The following TENM2 variants were observed in gnomAD, a reference collection of about 807,000 sequenced individuals.
TENM2 encodes the protein teneurin-2.
TENM2 carries 52 observed loss-of-function variants against 245.2 expected under a neutral mutation model. The ratio of observed to expected loss-of-function variants is 0.21; its 90% CI spans 0.17 to 0.27. The LOEUF is 0.27. TENM2 is among the 10% of genes least tolerant of loss of function. The pLI, the probability that TENM2 is intolerant of heterozygous loss-of-function variation, is 1.00. For synonymous variants in TENM2, 1,363 were observed against 1,438.9 expected (o/e 0.95, Z 1.19); for missense variants, 3,046 against 3,666.8 (o/e 0.83, Z 4.37).
intron 5 of TENM2, among the ~76,000 whole-genome samples, chr5:168,039,844 G>A (rs1009169463): frequency 6.6e-6 from 1 of 152,100 alleles, no homozygotes; most frequent in Non-Finnish European, 1.5e-5. Flanking sequence ...CACACTCGCA[G>A]TGTCAACAGC....
chr5:167,941,790 G>A (rs775773110), intron 3 of TENM2, among the ~76,000 whole-genome samples: 1 of 152,156 alleles, frequency 6.6e-6, no homozygotes, highest in African/African-American at 2.4e-5. Flanking sequence ...GGAATTCGAG[G>A]TTACAGTGAG....
At chr5:168,147,080 T>C (rs1756155695) in intron 12 of TENM2, among the ~76,000 whole-genome samples, 1 of 152,270 alleles carries the variant, frequency 6.6e-6, no homozygotes, top group Non-Finnish European at 1.5e-5. Context: ...CTACTCCGCA[T>C]AGGCGTAGTT....
intron 1 of TENM2, among the ~76,000 whole-genome samples, chr5:167,298,607 A>C (rs956390761): frequency 1.3e-5 from 2 of 152,280 alleles, no homozygotes; most frequent in African/African-American, 4.8e-5. Flanking sequence ...GTCTCAAAAA[A>C]ACAAACAAAC....
chr5:167,642,329 G>A (rs1436747939), intron 2 of TENM2, among the ~76,000 whole-genome samples: 2 of 152,222 alleles, frequency 1.3e-5, no homozygotes, highest in Admixed American at 1.3e-4. Context: ...TGTGAGAAGA[G>A]AGACATGATC....
intron 2 of TENM2, among the ~76,000 whole-genome samples, chr5:167,389,270 A>ATATATC (rs1554143117): frequency 9.4e-5 from 14 of 149,036 alleles, no homozygotes; most frequent in African/African-American, 3.5e-4. Flanking sequence ...ATATATATAT[A>ATATATC]TCCATGCATA....
At chr5:167,300,463 A>G (rs1755242831) in intron 1 of TENM2, among the ~76,000 whole-genome samples, 1 of 152,168 alleles carries the variant, frequency 6.6e-6, no homozygotes, top group Admixed American at 6.5e-5. Flanking sequence ...GATAGGCAAA[A>G]CAATTTGGTT....
chr5:167,147,405 A>C, the TENM2 span, among the ~76,000 whole-genome samples: 415 of 152,214 alleles, frequency 2.7e-3, 5 homozygotes, highest in East Asian at 0.045. Context: ...GGGTATTCGG[A>C]TGTTGATGGC....
At chr5:167,228,810 T>A in the TENM2 span, among the ~76,000 whole-genome samples, 1 of 152,014 alleles carries the variant, frequency 6.6e-6, no homozygotes, top group Non-Finnish European at 1.5e-5. Flanking sequence ...GTTCACACCA[T>A]TCTCCCACCT....
At chr5:167,147,565 T>A in the TENM2 span, among the ~76,000 whole-genome samples, 1 of 152,118 alleles carries the variant, frequency 6.6e-6, no homozygotes, top group Admixed American at 6.6e-5. Flanking sequence ...ACCTTTCAGA[T>A]TGACAGGGAA....
intron 3 of TENM2, among the ~76,000 whole-genome samples, chr5:167,909,634 C>A (rs1776393111): frequency 2.6e-5 from 4 of 152,108 alleles, no homozygotes; most frequent in Admixed American, 6.6e-5. Context: ...TCTGCATTTG[C>A]AAAGATTAGA....
At chr5:167,232,994 G>A in the TENM2 span, among the ~76,000 whole-genome samples, 1 of 151,106 alleles carries the variant, frequency 6.6e-6, no homozygotes, top group Admixed American at 6.6e-5. Context: ...TTACAGTCAA[G>A]GAGAGTCAAC....
chr5:168,156,587 A>T (rs1757206187), intron 12 of TENM2, among the ~76,000 whole-genome samples: 1 of 152,154 alleles, frequency 6.6e-6, no homozygotes, highest in Non-Finnish European at 1.5e-5. Flanking sequence ...AAAGCCTTTT[A>T]TGGTAATTAT....
intron 7 of TENM2, among the ~76,000 whole-genome samples, chr5:168,062,633 T>C (rs867939696): frequency 6.6e-6 from 1 of 152,192 alleles, no homozygotes; most frequent in African/African-American, 2.4e-5. Flanking sequence ...CCAACCCAAA[T>C]GTCCAACTGG....
At chr5:167,344,307 CACAT>C (rs538698988) in intron 1 of TENM2, among the ~76,000 whole-genome samples, 13 of 63,414 alleles carry the variant, frequency 2.1e-4, no homozygotes, top group South Asian at 4.8e-4. Context: ...CACACACACA[CACAT>C]ATATATATAT....
intron 2 of TENM2, among the ~76,000 whole-genome samples, chr5:167,669,147 C>G (rs79873608): frequency 1.3e-5 from 2 of 152,118 alleles, no homozygotes; most frequent in Non-Finnish European, 2.9e-5. Flanking sequence ...TTGGTGGGCT[C>G]ACGGTTCTCA....
At chr5:168,101,905 C>G (rs1427820021) in intron 9 of TENM2, among the ~76,000 whole-genome samples, 1 of 152,122 alleles carries the variant, frequency 6.6e-6, no homozygotes, top group Non-Finnish European at 1.5e-5. Flanking sequence ...AGTGAAATTT[C>G]CCCTCATTCT....
At chr5:167,962,077 G>A (rs1370806338) in intron 4 of TENM2, among the ~76,000 whole-genome samples, 1 of 152,194 alleles carries the variant, frequency 6.6e-6, no homozygotes, top group Non-Finnish European at 1.5e-5. Context: ...ATATCTGGTA[G>A]AGAGGACCAA....
chr5:167,783,116 C>T (rs2973664), intron 2 of TENM2, among the ~76,000 whole-genome samples: 85,912 of 151,466 alleles, frequency 0.57, 27,061 homozygotes, highest in Non-Finnish European at 0.72. Flanking sequence ...AGTGAAAGCT[C>T]AGGTCCTTGT....
At chr5:167,654,076 A>G (rs1388885789) in intron 2 of TENM2, 1 of 152,098 alleles carries the variant, frequency 6.6e-6, no homozygotes, top group Non-Finnish European at 1.5e-5. Context: ...GAGAGAGAAA[A>G]CAAATACAGC....
Sources: allele counts gnomAD v4.1 joint callset (sites outside exome capture counted in the v4.1 genomes callset), GRCh38; gene constraint gnomAD v4.1.1; transcripts MANE v1.5; gene names NCBI Gene and HGNC (gene_info 2026-07-23, HGNC 2026-07-21).